FAM227B: variants seen among roughly 807,000 people sequenced by gnomAD.
The protein encoded by FAM227B is protein FAM227B.
In FAM227B, 88 loss-of-function variants were observed where a neutral mutation model predicts 73.8. That is an observed-to-expected ratio of 1.19 (90% CI 1.00 to 1.42). The LOEUF (loss-of-function observed/expected upper bound fraction) is 1.42, where lower values mean the gene tolerates loss of function less well. FAM227B is among the 40% of genes most tolerant of loss of function. FAM227B has a pLI of 0.00. For missense variants in FAM227B, 632 were observed against 590.9 expected, an observed-to-expected ratio of 1.07 and a Z score of -0.72; for synonymous variants, 210 against 190.5, an observed-to-expected ratio of 1.10 and a Z score of -0.84.
chr15:49,492,958 GA>G (rs1181317696), intron 11 of FAM227B, among the ~76,000 whole-genome samples: 2 of 151,794 alleles, frequency 1.3e-5, no homozygotes, highest in African/African-American at 4.8e-5. Flanking sequence ...TAAACTTACT[GA>G]AACTCCATAA....
chr15:49,504,430 AAAAAG>A (rs2058414148), intron 11 of FAM227B, among the ~76,000 whole-genome samples: 1 of 133,056 alleles, frequency 7.5e-6, no homozygotes. Context: ...TATAATAAAA[AAAAAG>A]AAAAGATCAG....
intron 9 of FAM227B, among the ~76,000 whole-genome samples, chr15:49,548,917 C>T (rs764975655): frequency 3.5e-4 from 54 of 152,202 alleles, no homozygotes; most frequent in Admixed American, 3.1e-3. Flanking sequence ...GTCTGGCTAA[C>T]GATTTGTCAA....
At chr15:49,500,873 C>T (rs1301528077) in intron 11 of FAM227B, among the ~76,000 whole-genome samples, 1 of 152,070 alleles carries the variant, frequency 6.6e-6, no homozygotes, top group African/African-American at 2.4e-5. Flanking sequence ...ATGAGGTCTG[C>T]TTGTTTAAAA....
chr15:49,483,132 T>C (rs762039173), intron 11 of FAM227B: 4 of 1,333,070 alleles, frequency 3.0e-6, no homozygotes, highest in South Asian at 2.3e-5. Context: ...TTGACATGTC[T>C]TTCTGTGATT....
At chr15:49,466,513 T>C (rs1224780390) in intron 11 of FAM227B, among the ~76,000 whole-genome samples, 1 of 152,160 alleles carries the variant, frequency 6.6e-6, no homozygotes. Flanking sequence ...AAGAGGTTTT[T>C]GTTTGCTTTT....
chr15:49,460,791 G>A (rs1024086953), intron 11 of FAM227B, among the ~76,000 whole-genome samples: 3 of 152,192 alleles, frequency 2.0e-5, no homozygotes, highest in African/African-American at 7.2e-5. Context: ...GTCCTTAGCA[G>A]AGACATATTA....
chr15:49,566,943 T>A (rs1390455903), intron 9 of FAM227B, among the ~76,000 whole-genome samples: 1 of 152,150 alleles, frequency 6.6e-6, no homozygotes, highest in Non-Finnish European at 1.5e-5. Flanking sequence ...AACATTTGGA[T>A]CATAAAAGTA....
At chr15:49,491,513 T>A (rs1483518079) in intron 11 of FAM227B, among the ~76,000 whole-genome samples, 22 of 151,882 alleles carry the variant, frequency 1.4e-4, no homozygotes, top group Non-Finnish European at 1.5e-5. Context: ...TGATTCTGCC[T>A]CTGAGTTTTG....
At chr15:49,475,184 C>T (rs1323625683) in intron 11 of FAM227B, among the ~76,000 whole-genome samples, 2 of 152,032 alleles carry the variant, frequency 1.3e-5, no homozygotes, top group African/African-American at 4.8e-5. Context: ...AGGAATAGAA[C>T]AAGGAGTGTG....
chr15:49,422,237 T>C (rs1292875295), intron 11 of FAM227B, among the ~76,000 whole-genome samples: 1 of 152,146 alleles, frequency 6.6e-6, no homozygotes, highest in African/African-American at 2.4e-5. Flanking sequence ...TAATATACTT[T>C]CTTAATACTG....
chr15:49,365,633 C>T (rs2045020054), intron 13 of FAM227B: 3 of 1,106,688 alleles, frequency 2.7e-6, no homozygotes, highest in Non-Finnish European at 4.2e-6. Flanking sequence ...AAAAATACAT[C>T]ATAGAGGAGG....
chr15:49,479,874 A>G (rs913603014), intron 11 of FAM227B, among the ~76,000 whole-genome samples: 12 of 152,212 alleles, frequency 7.9e-5, no homozygotes, highest in African/African-American at 2.4e-4. Flanking sequence ...TTGGCCTCCC[A>G]AAGTGCTGGG....
At chr15:49,447,847 AAT>A (rs1454177239) in intron 11 of FAM227B, among the ~76,000 whole-genome samples, 1 of 151,708 alleles carries the variant, frequency 6.6e-6, no homozygotes, top group Non-Finnish European at 1.5e-5. Context: ...ACAGAACGAG[AAT>A]GAATTGAATA....
chr15:49,550,153 A>G (rs1160518660), intron 9 of FAM227B, among the ~76,000 whole-genome samples: 20 of 94,242 alleles, frequency 2.1e-4, no homozygotes, highest in Admixed American at 3.1e-4. Flanking sequence ...CTGGCCGGGC[A>G]GGGGGCTGAT....
At chr15:49,355,797 C>T (rs1312923499) in intron 13 of FAM227B, among the ~76,000 whole-genome samples, 1 of 151,840 alleles carries the variant, frequency 6.6e-6, no homozygotes, top group Non-Finnish European at 1.5e-5. Context: ...GTCAGATTCA[C>T]CAAAGTTGAA....
chr15:49,422,147 T>A (rs2059937), intron 11 of FAM227B, among the ~76,000 whole-genome samples: 8,110 of 71,662 alleles, frequency 0.11, 259 homozygotes, highest in African/African-American at 0.2. Context: ...AGAGAGAGAG[T>A]GTGTGTGTGT....
At chr15:49,507,125 C>T (rs1427937765) in intron 11 of FAM227B, among the ~76,000 whole-genome samples, 2 of 150,160 alleles carry the variant, frequency 1.3e-5, no homozygotes, top group African/African-American at 2.4e-5. Context: ...TTTGGTAAAA[C>T]ACTGAGGATG....
At chr15:49,337,481 G>GAA (rs2039929735) in intron 13 of FAM227B, among the ~76,000 whole-genome samples, 6 of 36,916 alleles carry the variant, frequency 1.6e-4, no homozygotes, top group African/African-American at 6.2e-4. Context: ...TTGGACACTT[G>GAA]CAATGTCTGT....
chr15:49,420,248 A>C (rs2049506756), intron 11 of FAM227B, among the ~76,000 whole-genome samples: 1 of 152,166 alleles, frequency 6.6e-6, no homozygotes, highest in South Asian at 2.1e-4. Context: ...TTTCTTTGGT[A>C]ATAGAAAAGT....
Sources: gnomAD v4.1 joint callset for allele counts (sites outside exome capture counted in the v4.1 genomes callset) on GRCh38, gnomAD v4.1.1 for gene constraint, MANE v1.5 for transcripts, NCBI Gene and HGNC (gene_info 2026-07-23, HGNC 2026-07-21) for gene names.